ASIC1: variants seen among roughly 807,000 people sequenced by gnomAD.
The protein encoded by ASIC1 is acid-sensing ion channel 1.
A neutral mutation model predicts 63.4 loss-of-function variants in ASIC1; 21 were observed. The ratio of observed to expected loss-of-function variants is 0.33; its 90% CI spans 0.23 to 0.48. The LOEUF is 0.48. Among genes scored for constraint, ASIC1 ranks in the 20% least tolerant of loss-of-function variants. The pLI is 0.99. For synonymous variants in ASIC1, 258 were observed against 278.2 expected (o/e 0.93, Z 0.72); for missense variants, 478 against 695.5 (o/e 0.69, Z 3.52).
intron 3 of ASIC1, among the ~76,000 whole-genome samples, chr12:50,060,574 G>A (rs439171): frequency 0.94 from 143,081 of 152,318 alleles, 67,433 homozygotes; most frequent in Non-Finnish European, 0.98. Context: ...CCTGCTTGCC[G>A]GCAAGAGCCG....
rs144151488 is a variant in ASIC1 at position 50,067,607 on chromosome 12, C to T, written c.558+7653C>T. Reference sequence around the variant, plus strand: ...GTTGTTGTTGTATTTTTCGTAGAGACGGGTTTTCTCCATGTTGGTCAGGCT... The same window carrying T: ...GTTGTTGTTGTATTTTTCGTAGAGATGGGTTTTCTCCATGTTGGTCAGGCT... On this transcript the variant is annotated intron_variant, in intron 3 of 11. Transcript: ENST00000447966. 1.4e-4 allele frequency among the ~76,000 whole-genome samples: 22 copies of T among 152,180 alleles called. No homozygotes were observed. The East Asian group carries it at 3.7e-3, about 25-fold the overall frequency.
At position 50,074,386 on chromosome 12, in the gene ASIC1, G is replaced by C. The variant is rs1025495008; in HGVS notation, c.559-2827G>C. On this transcript the variant is annotated intron_variant, in intron 3 of 11. Transcript: ENST00000447966. The surrounding 1 kb of genome is among the most constrained non-coding windows in gnomAD (Gnocchi z 4.2). ...CCCCTACCTCATCTGGCTGACACAGGCCAGAGCTCACCCAGGAGTCCGGGG... is the reference window on the plus strand; with the variant it reads ...CCCCTACCTCATCTGGCTGACACAGCCCAGAGCTCACCCAGGAGTCCGGGG... 3.5e-4 allele frequency: 476 copies of C among 1,362,008 alleles called. 4 individuals are homozygous for C. The highest frequency in any genetic ancestry group is 1.9e-4 in the Admixed American group (6 of 32,278). The allele number at this position is 1,362,008 out of a possible 1,614,324, so 84.4% of individuals were successfully genotyped here.
intron 3 of ASIC1, among the ~76,000 whole-genome samples, chr12:50,061,345 C>A (rs1169033335): frequency 6.6e-6 from 1 of 152,222 alleles, no homozygotes; most frequent in African/African-American, 2.4e-5. Context: ...GTCAATCCTG[C>A]TGGACAAAGT....
At position 50,063,574 on chromosome 12, in the gene ASIC1, A is replaced by G. The variant is rs1950519930; in HGVS notation, c.558+3620A>G. ...GGACAGGAATCCCTGGGAGGGGTCC[A>G]CAGGAGTCCTTCTCAGGACCCTGGA... On this transcript the variant is annotated intron_variant, in intron 3 of 11. Transcript: ENST00000447966. Among the ~76,000 whole-genome samples the G allele has an allele frequency of 2.0e-5, 3 of 152,138 alleles. 1 individual carries two copies. Among genetic ancestry groups the G allele is most frequent in the Admixed American group, 2.0e-4 (3 of 15,288 alleles).
intron 1 of ASIC1, 63 bp from the exon 2 acceptor site, chr12:50,058,688 G>A: frequency 6.6e-7 from 1 of 1,511,778 alleles, no homozygotes; most frequent in Non-Finnish European, 8.8e-7. Flanking sequence ...GGCACATGTG[G>A]AGGGGCTCCA....
In ASIC1 at chr12:50,077,212, G is replaced by C; in HGVS notation, c.559-1G>C. Reference sequence around the variant, plus strand: ...TAGGCTCTCCACTCTGCCCTCGCCAGGTCTTCACACGCTATGGAAAGTGCT... The same window carrying C: ...TAGGCTCTCCACTCTGCCCTCGCCACGTCTTCACACGCTATGGAAAGTGCT... On this transcript the variant is annotated splice_acceptor_variant, in intron 3 of 11. Transcript: ENST00000447966. LOFTEE classifies it high-confidence loss of function. 1 of 1,607,698 alleles carries C rather than the reference G, an allele frequency of 6.2e-7. No individual in the cohort carries two copies. The highest frequency in any genetic ancestry group is 8.5e-7 in the Non-Finnish European group (1 of 1,176,214).
At chr12:50,076,316 A>T (rs999219288) in intron 3 of ASIC1, among the ~76,000 whole-genome samples, 9 of 151,994 alleles carry the variant, frequency 5.9e-5, no homozygotes, top group Non-Finnish European at 1.5e-5. Flanking sequence ...AAAATACAAA[A>T]ATTAGCCGGG....
rs1035848222 is a variant in ASIC1, at chr12:50,077,208, G to A, written c.559-5G>A. On this transcript the variant is annotated splice_region_variant and splice_polypyrimidine_tract_variant and intron_variant, in intron 3 of 11. Coordinates refer to ENST00000447966, the MANE Select transcript of ASIC1 (RefSeq NM_001095.4). ...CTCTTAGGCTCTCCACTCTGCCCTC[G>A]CCAGGTCTTCACACGCTATGGAAAG... 13 of 1,605,956 alleles carry A rather than the reference G, an allele frequency of 8.1e-6. No homozygotes were observed. Among genetic ancestry groups the A allele is most frequent in the African/African-American group, 1.3e-5 (1 of 74,824 alleles).
At chr12:50,075,510 G>A (rs1249425703) in intron 3 of ASIC1, among the ~76,000 whole-genome samples, 5 of 152,200 alleles carry the variant, frequency 3.3e-5, no homozygotes, top group African/African-American at 9.6e-5. Flanking sequence ...GCTGGGTGCC[G>A]CAAGACCTGG....
rs1164942602 is a variant in ASIC1, at chr12:50,079,030, A to G, written c.1051+50A>G. The G allele has an allele frequency of 1.9e-6, 3 of 1,574,706 alleles. No homozygotes were observed. The South Asian group carries it at 3.3e-5, about 17-fold the overall frequency. The stretch of plus-strand genomic sequence containing the variant: ...TCTGGGGGAGGGAAAAGGTGCTGCC[A>G]GCCACGTGCGCAGGAGTTTCAGGTC... On this transcript the variant is annotated intron_variant, in intron 7 of 11. Coordinates refer to ENST00000447966, the MANE Select transcript of ASIC1 (RefSeq NM_001095.4).
In ASIC1 at chr12:50,083,565, G is replaced by C. The variant is rs1011487755; in HGVS notation, c.*1916G>C. 6.5e-6 allele frequency: 1 copy of C among 152,782 alleles called. No homozygotes were observed. The highest frequency in any genetic ancestry group is 1.5e-5 in the Non-Finnish European group (1 of 68,156). 9.5% of individuals were successfully genotyped at this position (152,782 alleles called of 1,614,324 possible). On this transcript the variant is annotated 3_prime_UTR_variant, in exon 12 of 12. Transcript: ENST00000447966. ...ATTGGATAGGGGAACAGCAGGCAGG[G>C]CTCTGGGTGACGCATGCCTCTGGTC...
intron 9 of ASIC1, 190 bp downstream of exon 9, chr12:50,080,779 G>C: frequency 6.6e-7 from 1 of 1,514,854 alleles, no homozygotes; most frequent in Non-Finnish European, 9.0e-7. Context: ...AAGTGGAAAA[G>C]AGAAAAGACA....
At chr12:50,079,087 CT>C in intron 7 of ASIC1, 107 bp downstream of exon 7, 2 of 1,087,744 alleles carry the variant, frequency 1.8e-6, no homozygotes, top group South Asian at 2.6e-5. Flanking sequence ...AACTCCTGGA[CT>C]GGGCTGCACC....
At chr12:50,073,829 A>G (rs1182526240) in intron 3 of ASIC1, 4 of 1,531,036 alleles carry the variant, frequency 2.6e-6, no homozygotes, top group Non-Finnish European at 2.6e-6. Flanking sequence ...ATTTTTGTGG[A>G]GGGGGGTCCA....
In ASIC1 at chr12:50,081,350, G is replaced by T. The variant is rs766378044; in HGVS notation, c.1468G>T (p.Asp490Tyr). The change falls in exon 11 of 12, where the codon GAC (aspartate) becomes TAC (tyrosine). Residue 490 changes from aspartate (D) to tyrosine (Y), a missense_variant. Asp to Tyr is a radical substitution (Grantham distance 160). Transcript: ENST00000447966. ...ADKGVALSLD[D>Y]VKRHNPCESL... Reference sequence around the variant, plus strand: ...CAAGGGCGTGGCCCTCAGCCTGGACGACGTCAAAAGACACGTGAGGGAGCG... The same window carrying T: ...CAAGGGCGTGGCCCTCAGCCTGGACTACGTCAAAAGACACGTGAGGGAGCG... The T allele has an allele frequency of 6.2e-6, 10 of 1,604,298 alleles. No individual in the cohort carries two copies. The highest frequency in any genetic ancestry group is 8.5e-6 in the Non-Finnish European group (10 of 1,175,614).
chr12:50,064,506 G>A (rs1592267524), intron 3 of ASIC1, among the ~76,000 whole-genome samples: 1 of 152,288 alleles, frequency 6.6e-6, no homozygotes. Flanking sequence ...ACTACTCTAA[G>A]CTAATTGACC....
Position 50,078,373 on chromosome 12 carries a change from T to C in ASIC1, c.838-48T>C, listed in dbSNP as rs1384587562. 2 of 1,606,648 alleles carry C rather than the reference T, an allele frequency of 1.2e-6. No individual in the cohort carries two copies. The highest frequency in any genetic ancestry group is 1.1e-5 in the South Asian group (1 of 89,944). ...TGTCAGAGGAGTCCATCAAGCTGATTTGGGGAGAAGTCCCCGCACTCCCCC... is the reference window on the plus strand; with the variant it reads ...TGTCAGAGGAGTCCATCAAGCTGATCTGGGGAGAAGTCCCCGCACTCCCCC... On this transcript the variant is annotated intron_variant, in intron 5 of 11. Coordinates refer to ENST00000447966, the MANE Select transcript of ASIC1 (RefSeq NM_001095.4). The surrounding 1 kb of genome is among the most constrained non-coding windows in gnomAD (Gnocchi z 6.0).
At position 50,058,796 on chromosome 12, in the gene ASIC1, G is replaced by A. The variant is rs770176996; in HGVS notation, c.30G>A (p.Val10=). The change falls in exon 2 of 12, where the codon GTG becomes GTA. Residue 10 remains valine, a synonymous_variant. Transcript: ENST00000447966. The part of the protein sequence containing the change: MELKAEEEE[V]GGVQPVSIQA... ...AACTGAAGGCCGAGGAGGAGGAGGT[G>A]GGTGGCGTCCAGCCGGTGAGCATCC... 13 of 1,594,984 alleles carry A rather than the reference G, an allele frequency of 8.2e-6. 1 individual carries two copies. In the South Asian group the frequency reaches 1.4e-4, roughly 17 times the overall value.
intron 11 of ASIC1, 49 bp from the exon 12 acceptor site, chr12:50,081,496 G>A (rs1303775519): frequency 1.3e-6 from 2 of 1,493,820 alleles, no homozygotes; most frequent in Non-Finnish European, 1.8e-6. Flanking sequence ...AGCACTACCT[G>A]AAGCCCTTCC....
Sources: allele counts gnomAD v4.1 joint callset (sites outside exome capture counted in the v4.1 genomes callset), GRCh38; gene constraint gnomAD v4.1.1; non-coding constraint Gnocchi (gnomAD v3.1); transcripts MANE v1.5; gene names NCBI Gene and HGNC (gene_info 2026-07-23, HGNC 2026-07-21).